Variants in TENM2 observed in about 807,000 individuals in gnomAD.
The protein encoded by TENM2 is teneurin transmembrane protein 2, also known as teneurin-2.
Under a neutral mutation model 245.2 loss-of-function variants are expected in TENM2, and 52 were observed. That is an observed-to-expected ratio of 0.21 (90% confidence interval 0.17 to 0.27). The LOEUF is 0.27. Among genes scored for constraint, TENM2 ranks in the 10% least tolerant of loss-of-function variants. The probability of loss-of-function intolerance (pLI) is 1.00; values close to 1 mark genes in which losing one functional copy is unlikely to be tolerated. For synonymous variants in TENM2, 1,363 were observed against 1,438.9 expected, an observed-to-expected ratio of 0.95 and a Z score of 1.19; for missense variants, 3,046 against 3,666.8, an observed-to-expected ratio of 0.83 and a Z score of 4.37.
At chr5:167,318,453 A>G (rs1756508486) in intron 1 of TENM2, among the ~76,000 whole-genome samples, 1 of 151,666 alleles carries the variant, frequency 6.6e-6, no homozygotes, top group South Asian at 2.1e-4. Flanking sequence ...ACACAATTAC[A>G]TGTTTTCCCC....
At chr5:167,264,868 A>G in the TENM2 span, among the ~76,000 whole-genome samples, 1 of 152,304 alleles carries the variant, frequency 6.6e-6, no homozygotes, top group Middle Eastern at 3.4e-3. Context: ...ATCAAATTGT[A>G]CCTAGGCATC....
intron 2 of TENM2, among the ~76,000 whole-genome samples, chr5:167,690,816 T>G (rs1757374294): frequency 6.6e-6 from 1 of 151,878 alleles, no homozygotes; most frequent in Admixed American, 6.6e-5. Context: ...TATAAACAAG[T>G]AAAATTACAC....
At chr5:167,752,261 ATT>A (rs575290973) in intron 2 of TENM2, among the ~76,000 whole-genome samples, 30 of 123,348 alleles carry the variant, frequency 2.4e-4, no homozygotes, top group African/African-American at 8.3e-4. Flanking sequence ...TGCCCAGCTA[ATT>A]TTTTTTTTTT....
At chr5:167,888,145 G>A (rs1307014180) in intron 3 of TENM2, among the ~76,000 whole-genome samples, 2 of 152,154 alleles carry the variant, frequency 1.3e-5, no homozygotes, top group African/African-American at 4.8e-5. Context: ...TCAAGAGTCA[G>A]GACTTCATAT....
At chr5:168,255,867 A>C (rs906307177) in intron 27 of TENM2, among the ~76,000 whole-genome samples, 1 of 151,974 alleles carries the variant, frequency 6.6e-6, no homozygotes, top group South Asian at 2.1e-4. Context: ...GTGCAGTGGC[A>C]TACTCTCGGC....
intron 2 of TENM2, among the ~76,000 whole-genome samples, chr5:167,725,170 T>A (rs1561709409): frequency 6.6e-6 from 1 of 150,634 alleles, no homozygotes; most frequent in East Asian, 1.9e-4. Flanking sequence ...ATTCAATAAA[T>A]TTTTTTTTTA....
intron 23 of TENM2, among the ~76,000 whole-genome samples, chr5:168,221,391 C>T (rs1244246955): frequency 6.6e-6 from 1 of 152,182 alleles, no homozygotes; most frequent in Non-Finnish European, 1.5e-5. Flanking sequence ...TCCCCTAAGA[C>T]CACACAGGGA....
intron 3 of TENM2, among the ~76,000 whole-genome samples, chr5:167,883,992 G>A (rs549015507): frequency 1.3e-5 from 2 of 152,198 alleles, no homozygotes; most frequent in South Asian, 2.1e-4. Context: ...GGACTCTGAC[G>A]TCCATACTAC....
downstream of TENM2, chr5:168,264,028 G>A (rs910384674): frequency 2.6e-5 from 4 of 152,490 alleles, no homozygotes; most frequent in Non-Finnish European, 5.9e-5. Context: ...ATACATGTAT[G>A]AATTGTTCAT....
intron 2 of TENM2, among the ~76,000 whole-genome samples, chr5:167,787,113 G>A (rs943258324): frequency 2.6e-5 from 4 of 152,174 alleles, no homozygotes; most frequent in African/African-American, 9.7e-5. Flanking sequence ...TGCTGTTCAA[G>A]GTTCTAAACT....
chr5:167,517,507 A>G (rs1396788356), intron 2 of TENM2, among the ~76,000 whole-genome samples: 2 of 152,136 alleles, frequency 1.3e-5, no homozygotes, highest in African/African-American at 4.8e-5. Flanking sequence ...CCTAGTGCTT[A>G]TGAACTGCTA....
chr5:168,253,659 T>TCA (rs1767369691), intron 27 of TENM2, among the ~76,000 whole-genome samples: 1 of 151,948 alleles, frequency 6.6e-6, no homozygotes, highest in African/African-American at 2.4e-5. Flanking sequence ...TCTCCTGACC[T>TCA]TGTGATTCGC....
At chr5:168,046,042 C>A (rs1439276040) in intron 5 of TENM2, among the ~76,000 whole-genome samples, 2 of 152,132 alleles carry the variant, frequency 1.3e-5, no homozygotes, top group African/African-American at 4.8e-5. Flanking sequence ...AAACATGGTT[C>A]TAAGATGGAG....
rs566006292 is a variant in TENM2, at chr5:168,253,511, C to T, written c.7432+5140C>T. On this transcript the variant is annotated intron_variant, in intron 27 of 28. Transcript: ENST00000518659. ...TACGATCTTGGCTCACTGCAAGCTC[C>T]GCCTCACGGGTTCACACCATTCTCC... Among the ~76,000 whole-genome samples, 331 of 150,920 alleles carry T rather than the reference C, an allele frequency of 2.2e-3. 2 individuals carry two copies. The highest frequency in any genetic ancestry group is 7.6e-3 in the African/African-American group (312 of 41,056).
At chr5:167,430,728 T>C (rs1561949003) in intron 2 of TENM2, among the ~76,000 whole-genome samples, 1 of 152,170 alleles carries the variant, frequency 6.6e-6, no homozygotes, top group South Asian at 2.1e-4. Flanking sequence ...TGGACATTTT[T>C]CCCATTAATA....
intron 2 of TENM2, among the ~76,000 whole-genome samples, chr5:167,426,459 T>C (rs760001233): frequency 1.3e-4 from 20 of 151,822 alleles, no homozygotes; most frequent in Non-Finnish European, 2.4e-4. Context: ...TTCTTTCCTC[T>C]TTCTTTAATT....
chr5:167,303,042 G>A (rs1276126840), intron 1 of TENM2: 7 of 152,718 alleles, frequency 4.6e-5, no homozygotes, highest in African/African-American at 1.7e-4. Flanking sequence ...GAGATTGAAG[G>A]GTGGTGCCAA....
chr5:167,699,720 G>C (rs1405018430), intron 2 of TENM2, among the ~76,000 whole-genome samples: 5 of 152,212 alleles, frequency 3.3e-5, no homozygotes, highest in Non-Finnish European at 7.3e-5. Flanking sequence ...TCCTCCAGTG[G>C]TTGAGAGACA....
At chr5:167,515,680 T>TACACATATATACGTATATATG (rs1283561249) in intron 2 of TENM2, among the ~76,000 whole-genome samples, 13 of 55,784 alleles carry the variant, frequency 2.3e-4, no homozygotes, top group Non-Finnish European at 4.8e-4. Context: ...TGTATATATA[T>TACACATATATACGTATATATG]TTTGAGAGGG....
Sources: allele counts gnomAD v4.1 joint callset (sites outside exome capture counted in the v4.1 genomes callset), GRCh38; gene constraint gnomAD v4.1.1; transcripts MANE v1.5; gene names NCBI Gene and HGNC (gene_info 2026-07-23, HGNC 2026-07-21).